RAB33A: variants seen among roughly 807,000 people sequenced by gnomAD.
RAB33A encodes ras-related protein Rab-33A.
A neutral mutation model predicts 12.0 loss-of-function variants in RAB33A; 6 were observed. The ratio of observed to expected loss-of-function variants is 0.50; its 90% confidence interval spans 0.27 to 0.99. RAB33A has a LOEUF of 0.99. Among genes scored for constraint, RAB33A ranks in the 50% least tolerant of loss-of-function variants. The pLI is 0.11. For missense variants in RAB33A, 109 were observed against 192.0 expected (o/e 0.57, Z 2.55); for synonymous variants, 70 against 82.4 (o/e 0.85, Z 0.81).
chrX:130,129,743 G>C, the RAB33A span: 3 of 810,350 alleles, frequency 3.7e-6, no homozygotes, highest in South Asian at 4.2e-5. Context: ...GGAGTTGTGG[G>C]AACAGTTCTC....
At chrX:130,137,613 C>T in the RAB33A span, 1 of 1,130,063 alleles carries the variant, frequency 8.8e-7, no homozygotes, top group Non-Finnish European at 1.2e-6. Context: ...ATCATGTGCC[C>T]AAAGAAGTTT....
At chrX:130,162,483 T>C in the RAB33A span, among the ~76,000 whole-genome samples, 1 of 112,301 alleles carries the variant, frequency 8.9e-6, no homozygotes, top group Non-Finnish European at 1.9e-5. Context: ...AGCTAAGACA[T>C]GCAGTAACTC....
the RAB33A span, among the ~76,000 whole-genome samples, chrX:130,124,341 T>C: frequency 8.9e-6 from 1 of 112,277 alleles, no homozygotes; most frequent in Non-Finnish European, 1.9e-5. Context: ...TACATTTATT[T>C]GTATATTATT....
chrX:130,136,495 G>A, the RAB33A span: 5 of 573,589 alleles, frequency 8.7e-6, no homozygotes, highest in East Asian at 1.8e-4. Flanking sequence ...CTGTTTTAAT[G>A]GAGGGATGGT....
At chrX:130,120,618 G>A in the RAB33A span, among the ~76,000 whole-genome samples, 1 of 112,388 alleles carries the variant, frequency 8.9e-6, no homozygotes, top group Non-Finnish European at 1.9e-5. Flanking sequence ...GTGGCTCGAG[G>A]GACTTTGCAG....
At chrX:130,161,502 C>A in the RAB33A span, among the ~76,000 whole-genome samples, 1 of 72,831 alleles carries the variant, frequency 1.4e-5, no homozygotes, top group Non-Finnish European at 2.4e-5. Context: ...CAGAGCAAGA[C>A]TCTGTTTGAA....
chrX:130,156,634 A>G, the RAB33A span: 7 of 1,195,004 alleles, frequency 5.9e-6, no homozygotes, highest in African/African-American at 1.2e-4. Flanking sequence ...AGACACACAC[A>G]TACAAAAATA....
the RAB33A span, among the ~76,000 whole-genome samples, chrX:130,117,088 C>A: frequency 1.8e-5 from 2 of 111,588 alleles, no homozygotes; most frequent in African/African-American, 6.5e-5. Flanking sequence ...GTGGCGGGCT[C>A]CTGTAGTCCC....
At chrX:130,119,814 CAGG>C in the RAB33A span, among the ~76,000 whole-genome samples, 1 of 111,667 alleles carries the variant, frequency 9.0e-6, no homozygotes, top group Non-Finnish European at 1.9e-5. Context: ...ACCCTGAAAG[CAGG>C]AGAACTGGAT....
the RAB33A span, among the ~76,000 whole-genome samples, chrX:130,120,534 G>A: frequency 1.8e-5 from 2 of 112,405 alleles, no homozygotes; most frequent in Non-Finnish European, 3.8e-5. Context: ...CATCCCCAGA[G>A]AGCAAAGACC....
chrX:130,170,957 CTG>C (rs1183560114), upstream of RAB33A, among the ~76,000 whole-genome samples: 9 of 112,983 alleles, frequency 8.0e-5, no homozygotes, highest in East Asian at 1.7e-3. Context: ...CTCCTAGCCT[CTG>C]TGTGGCCCTC....
the RAB33A span, among the ~76,000 whole-genome samples, chrX:130,138,331 T>C: frequency 9.1e-6 from 1 of 109,710 alleles, no homozygotes; most frequent in Non-Finnish European, 1.9e-5. Flanking sequence ...CAGGCGTGGT[T>C]ACAGGCGCCT....
the RAB33A span, among the ~76,000 whole-genome samples, chrX:130,124,632 T>C: frequency 2.7e-5 from 3 of 112,355 alleles, no homozygotes; most frequent in Non-Finnish European, 3.8e-5. Context: ...TGTGTCCAAA[T>C]TGTCAACCCC....
At chrX:130,165,259 G>C in the RAB33A span, among the ~76,000 whole-genome samples, 1 of 79,074 alleles carries the variant, frequency 1.3e-5, no homozygotes, top group Admixed American at 1.8e-4. Flanking sequence ...TGGGGGGTGG[G>C]GATGCCGGGG....
the RAB33A span, among the ~76,000 whole-genome samples, chrX:130,111,937 G>A: frequency 1.8e-5 from 2 of 111,603 alleles, no homozygotes; most frequent in African/African-American, 6.5e-5. Context: ...GGGGGTGGGG[G>A]CAGCAAGGCC....
At chrX:130,137,280 A>G in the RAB33A span, 7 of 1,201,664 alleles carry the variant, frequency 5.8e-6, no homozygotes, top group South Asian at 8.9e-5. Context: ...AGCCCTCACT[A>G]CAGACAGGGC....
chrX:130,138,414 G>A, the RAB33A span, among the ~76,000 whole-genome samples: 8 of 111,357 alleles, frequency 7.2e-5, no homozygotes, highest in African/African-American at 1.6e-4. Flanking sequence ...GCAGTGAGCC[G>A]AGATCGCGCC....
intron 1 of RAB33A, among the ~76,000 whole-genome samples, chrX:130,176,269 G>T (rs909697875): frequency 4.5e-5 from 5 of 110,868 alleles, no homozygotes; most frequent in African/African-American, 1.6e-4. Flanking sequence ...GCCGAATAGG[G>T]GTGTGTGTGT....
the RAB33A span, among the ~76,000 whole-genome samples, chrX:130,114,996 G>A: frequency 4.5e-5 from 5 of 110,803 alleles, no homozygotes; most frequent in African/African-American, 1.6e-4. Context: ...TAGAGACAGG[G>A]TTTTGCCGTG....
Sources: gnomAD v4.1 joint callset for allele counts (sites outside exome capture counted in the v4.1 genomes callset) on GRCh38, gnomAD v4.1.1 for gene constraint, MANE v1.5 for transcripts, NCBI Gene and HGNC (gene_info 2026-07-23, HGNC 2026-07-21) for gene names.